Variants in CXXC4 observed in about 807,000 individuals in gnomAD.
CXXC4 encodes CXXC-type zinc finger protein 4.
In CXXC4, 5 loss-of-function variants were observed where a neutral mutation model predicts 20.5. That is an observed-to-expected ratio of 0.24 (90% CI 0.13 to 0.51). CXXC4 has a LOEUF of 0.51. Among genes scored for constraint, CXXC4 ranks in the 20% least tolerant of loss-of-function variants. CXXC4 has a pLI of 0.97. For missense variants in CXXC4, 419 were observed against 496.4 expected (o/e 0.84, Z 1.48); for synonymous variants, 250 against 216.4 (o/e 1.16, Z -1.36).
chr4:104,489,149 A>G (rs1736770218), intron 2 of CXXC4, among the ~76,000 whole-genome samples: 1 of 150,998 alleles, frequency 6.6e-6, no homozygotes, highest in Non-Finnish European at 1.5e-5. Flanking sequence ...TTGCACAAAG[A>G]AAGTTGCCAA....
intron 2 of CXXC4, chr4:104,475,345 C>T (rs1447738636): frequency 6.6e-6 from 1 of 151,946 alleles, no homozygotes; most frequent in African/African-American, 2.4e-5. Flanking sequence ...ATAATCAAGG[C>T]ACACACCAGA....
At position 104,490,927 on chromosome 4, in the gene CXXC4, T is replaced by A. The variant is rs772336462; in HGVS notation, c.876A>T (p.Ser292=). Residue 292 remains serine, a synonymous_variant, in exon 2 of 3, where the codon TCA becomes TCT. Coordinates refer to ENST00000394767, the MANE Select transcript of CXXC4 (RefSeq NM_025212.4). Reference sequence around the variant, plus strand: ...CTGGGTTGGCTCCGCCAGCTCCCCCTGAGGAGGACGAGGAGGAGGAGGAAT... The same window carrying A: ...CTGGGTTGGCTCCGCCAGCTCCCCCAGAGGAGGACGAGGAGGAGGAGGAAT... ...QNHSSSSSSS[S]GGAGGANPAK... is the part of the protein sequence containing the mutation. 15 of 1,614,024 alleles carry A rather than the reference T, an allele frequency of 9.3e-6. No individual in the cohort carries two copies. Among genetic ancestry groups the A allele is most frequent in the Non-Finnish European group, 1.3e-5 (15 of 1,179,984 alleles).
chr4:104,485,164 C>T (rs536642629), intron 2 of CXXC4, among the ~76,000 whole-genome samples: 1 of 152,118 alleles, frequency 6.6e-6, no homozygotes, highest in East Asian at 1.9e-4. Context: ...CTAAGATCAT[C>T]TGACATTTTG....
chr4:104,475,402 T>G (rs777205381), intron 2 of CXXC4: 6 of 152,154 alleles, frequency 3.9e-5, no homozygotes, highest in Non-Finnish European at 7.4e-5. Context: ...TTTAGGGTCC[T>G]GTAGCCTACC....
chr4:104,482,838 T>G (rs1397724367), intron 2 of CXXC4, among the ~76,000 whole-genome samples: 1 of 152,046 alleles, frequency 6.6e-6, no homozygotes, highest in Non-Finnish European at 1.5e-5. Context: ...TCATCCTACT[T>G]GATCCCTATC....
rs1736201881 is a variant in CXXC4, at chr4:104,469,287, A to G, written c.*3035T>C. ...ACTGAAAAGGAAATTGGCTCACTGCACTATGTATCAACGCCTCAAGTATTT... is the reference window on the plus strand; with the variant it reads ...ACTGAAAAGGAAATTGGCTCACTGCGCTATGTATCAACGCCTCAAGTATTT... On this transcript the variant is annotated 3_prime_UTR_variant, in exon 3 of 3. Transcript: ENST00000394767. 1.3e-5 allele frequency: 2 copies of G among 152,044 alleles called. No homozygotes were observed. Among genetic ancestry groups the G allele is most frequent in the Admixed American group, 6.6e-5 (1 of 15,208 alleles). The allele number at this position is 152,044 out of a possible 1,614,324, so 9.4% of individuals were successfully genotyped here.
chr4:104,474,383 A>G (rs1008948333), intron 2 of CXXC4, among the ~76,000 whole-genome samples: 7 of 152,074 alleles, frequency 4.6e-5, no homozygotes, highest in African/African-American at 1.7e-4. Context: ...GATTACATTA[A>G]TTTAATCATT....
rs982889563 is a variant in CXXC4, at chr4:104,470,188, A to G, written c.*2134T>C. The G allele has an allele frequency of 1.3e-5, 2 of 150,156 alleles. No homozygotes were observed. The highest frequency in any genetic ancestry group is 3.0e-5 in the Non-Finnish European group (2 of 67,504). The allele number at this position is 150,156 out of a possible 1,614,324, so 9.3% of individuals were successfully genotyped here. A position where few individuals can be genotyped will look rare whatever the true frequency, so the allele number is the denominator to read the frequency against. On this transcript the variant is annotated 3_prime_UTR_variant, in exon 3 of 3. Transcript: ENST00000394767. ...AAAGGAAAAAAAAAAAAAAACTCAT[A>G]CAGCTCTCATTGGTCCCACAGCAGA...
chr4:104,477,337 A>G (rs1348849552), intron 2 of CXXC4, among the ~76,000 whole-genome samples: 1 of 152,132 alleles, frequency 6.6e-6, no homozygotes, highest in Non-Finnish European at 1.5e-5. Context: ...AAACATTGTT[A>G]TATAGGTTCT....
chr4:104,486,560 T>C (rs957489006), intron 2 of CXXC4, among the ~76,000 whole-genome samples: 3 of 152,114 alleles, frequency 2.0e-5, no homozygotes, highest in African/African-American at 7.2e-5. Flanking sequence ...CTCACTTATA[T>C]ATTTGCACTT....
chr4:104,488,869 A>G (rs1241802620), intron 2 of CXXC4, among the ~76,000 whole-genome samples: 1 of 152,218 alleles, frequency 6.6e-6, no homozygotes, highest in African/African-American at 2.4e-5. Flanking sequence ...TACATATCTT[A>G]AATTGGGATG....
chr4:104,469,504 A>G lies in CXXC4; in HGVS notation c.*2818T>C, dbSNP rs1736208339. On this transcript the variant is annotated 3_prime_UTR_variant, in exon 3 of 3. Transcript: ENST00000394767. ...TTTCTTGACAGTGAATATAAAACAC[A>G]CAGTGAGGAATATTTAAAAGTTACA... 2 of 152,128 alleles carry G rather than the reference A, an allele frequency of 1.3e-5. No homozygotes were observed. 9.4% of individuals were successfully genotyped at this position (152,128 alleles called of 1,614,324 possible). A position where few individuals can be genotyped will look rare whatever the true frequency, so the allele number is the denominator to read the frequency against.
intron 2 of CXXC4, among the ~76,000 whole-genome samples, chr4:104,479,013 G>A (rs1252608591): frequency 6.6e-6 from 1 of 151,982 alleles, no homozygotes; most frequent in Non-Finnish European, 1.5e-5. Context: ...ATATATGTGT[G>A]TATAAAAGTT....
chr4:104,482,697 A>G (rs1437044501), intron 2 of CXXC4, among the ~76,000 whole-genome samples: 1 of 152,124 alleles, frequency 6.6e-6, no homozygotes, highest in Non-Finnish European at 1.5e-5. Context: ...TTAAAAATGT[A>G]TTTAATCTTG....
intron 2 of CXXC4, among the ~76,000 whole-genome samples, chr4:104,485,400 C>T (rs1736660683): frequency 6.6e-6 from 1 of 151,868 alleles, no homozygotes; most frequent in Non-Finnish European, 1.5e-5. Context: ...TGGTATTTTG[C>T]ATAATGGGAG....
Position 104,491,529 on chromosome 4 carries a change from C to T in CXXC4, c.274G>A (p.Asp92Asn). Residue 92 changes from aspartate (D) to asparagine (N), a missense_variant, in exon 2 of 3, where the codon GAC becomes AAC. Physicochemically the swap from Asp to Asn is conservative, Grantham distance 23. Transcript: ENST00000394767. ...ARIGMSPWNCDNAATAAAATA... is the reference protein window; with the variant it reads ...ARIGMSPWNCNNAATAAAATA... ...GCGGCGGCGGCGGTGGCCGCGTTGT[C>T]GCAGTTCCAGGGGGACATGCCGATG... 2.2e-6 allele frequency: 3 copies of T among 1,361,716 alleles called. No homozygotes were observed. The highest frequency in any genetic ancestry group is 2.9e-6 in the Non-Finnish European group (3 of 1,048,626). 84.4% of individuals were successfully genotyped at this position (1,361,716 alleles called of 1,614,324 possible).
At chr4:104,488,959 AG>A (rs1334406290) in intron 2 of CXXC4, among the ~76,000 whole-genome samples, 2 of 152,240 alleles carry the variant, frequency 1.3e-5, no homozygotes, top group African/African-American at 4.8e-5. Flanking sequence ...ACATTTCAAG[AG>A]GAAAAATAAA....
At chr4:104,490,312 A>G (rs1313545794) in intron 2 of CXXC4, among the ~76,000 whole-genome samples, 3 of 152,180 alleles carry the variant, frequency 2.0e-5, no homozygotes, top group African/African-American at 7.2e-5. Context: ...CTTGTGTACC[A>G]CAAACTGTGT....
chr4:104,480,844 T>C (rs748945278), intron 2 of CXXC4, among the ~76,000 whole-genome samples: 8 of 151,290 alleles, frequency 5.3e-5, no homozygotes, highest in Middle Eastern at 3.4e-3. Flanking sequence ...CTTGCCTTTA[T>C]CTTCCCTCCC....
Sources: allele counts gnomAD v4.1 joint callset (sites outside exome capture counted in the v4.1 genomes callset), GRCh38; gene constraint gnomAD v4.1.1; transcripts MANE v1.5; gene names NCBI Gene and HGNC (gene_info 2026-07-23, HGNC 2026-07-21).